SEMA3D: variants seen among roughly 807,000 people sequenced by gnomAD.
SEMA3D encodes semaphorin 3D.
Under a neutral mutation model 100.1 loss-of-function variants are expected in SEMA3D, and 84 were observed. The observed-to-expected ratio is 0.84, with a 90% CI of 0.70 to 1.01. SEMA3D has a LOEUF of 1.01. Ranked by LOEUF, SEMA3D falls within the 50% of genes least tolerant of loss-of-function variation. SEMA3D has a pLI of 0.00. For synonymous variants in SEMA3D, 312 were observed against 320.7 expected (o/e 0.97, Z 0.29); for missense variants, 875 against 934.1 (o/e 0.94, Z 0.82).
At chr7:85,231,069 C>A in the SEMA3D span, among the ~76,000 whole-genome samples, 1 of 152,098 alleles carries the variant, frequency 6.6e-6, no homozygotes, top group Admixed American at 6.6e-5. Context: ...TTAAAACGTT[C>A]TTTTCTAGTT....
At chr7:85,015,864 T>C (rs540294156) in intron 15 of SEMA3D, among the ~76,000 whole-genome samples, 1 of 151,878 alleles carries the variant, frequency 6.6e-6, no homozygotes, top group East Asian at 2.0e-4. Flanking sequence ...ACTTCCCTTA[T>C]ACATTCTTTT....
At chr7:85,175,928 T>A (rs1051470718) in intron 1 of SEMA3D, among the ~76,000 whole-genome samples, 3 of 152,058 alleles carry the variant, frequency 2.0e-5, no homozygotes, top group African/African-American at 7.2e-5. Context: ...AAGAATTCAC[T>A]CTCTGGTGTG....
chr7:85,020,552 T>C (rs1305321399), intron 13 of SEMA3D, among the ~76,000 whole-genome samples: 2 of 151,626 alleles, frequency 1.3e-5, no homozygotes, highest in Non-Finnish European at 3.0e-5. Flanking sequence ...AAAGGATGCA[T>C]ATTCAGAGTA....
chr7:85,173,520 C>T (rs532666801), intron 1 of SEMA3D, among the ~76,000 whole-genome samples: 42 of 152,188 alleles, frequency 2.8e-4, no homozygotes, highest in Middle Eastern at 6.8e-3. Context: ...AAAGTATATA[C>T]TTGAAGTAGG....
chr7:85,078,215 T>A (rs549572052), intron 5 of SEMA3D, among the ~76,000 whole-genome samples: 10 of 152,230 alleles, frequency 6.6e-5, no homozygotes, highest in Admixed American at 2.0e-4. Context: ...TTTTTTTGCT[T>A]GTATATAATT....
intron 15 of SEMA3D, among the ~76,000 whole-genome samples, chr7:85,016,943 T>C (rs1439255397): frequency 1.3e-5 from 2 of 151,628 alleles, no homozygotes; most frequent in Non-Finnish European, 2.9e-5. Context: ...TTTTAAGATA[T>C]GCTGCTAAAC....
At chr7:85,216,705 GA>G in the SEMA3D span, among the ~76,000 whole-genome samples, 1 of 151,482 alleles carries the variant, frequency 6.6e-6, no homozygotes, top group Non-Finnish European at 1.5e-5. Flanking sequence ...AAAAATGCAA[GA>G]AAAAAATGGA....
chr7:85,028,019 C>A, intron 12 of SEMA3D: 1 of 576,740 alleles, frequency 1.7e-6, no homozygotes. Context: ...TGAACCGTGC[C>A]AGCATGGCTT....
the SEMA3D span, among the ~76,000 whole-genome samples, chr7:85,225,101 T>TACAC: frequency 4.6e-5 from 1 of 21,678 alleles, no homozygotes; most frequent in Non-Finnish European, 7.1e-5. Flanking sequence ...TATATATATA[T>TACAC]ATATACATAC....
intron 8 of SEMA3D, among the ~76,000 whole-genome samples, chr7:85,063,020 C>T (rs941913375): frequency 6.6e-6 from 1 of 152,172 alleles, no homozygotes; most frequent in Non-Finnish European, 1.5e-5. Context: ...CATGGTACCA[C>T]ATGATACCTA....
intron 2 of SEMA3D, among the ~76,000 whole-genome samples, chr7:85,150,346 A>AATATATATATATATATATATATTATAT (rs1790334910): frequency 4.9e-5 from 6 of 121,232 alleles, no homozygotes; most frequent in African/African-American, 1.9e-4. Flanking sequence ...CTTTTCTAGA[A>AATATATATATATATATATATATTATAT]ATATATATAT....
intron 2 of SEMA3D, among the ~76,000 whole-genome samples, chr7:85,153,350 C>T (rs1790486923): frequency 6.6e-6 from 1 of 152,122 alleles, no homozygotes; most frequent in Non-Finnish European, 1.5e-5. Flanking sequence ...GAGACCCAAT[C>T]ATTATTTGAA....
At chr7:85,219,744 A>C in the SEMA3D span, among the ~76,000 whole-genome samples, 4 of 152,084 alleles carry the variant, frequency 2.6e-5, no homozygotes, top group African/African-American at 9.7e-5. Flanking sequence ...TGCTGGTGAA[A>C]GATTTTCCAT....
At chr7:85,163,874 TAACTTG>T (rs1167757521) in intron 1 of SEMA3D, among the ~76,000 whole-genome samples, 1 of 152,134 alleles carries the variant, frequency 6.6e-6, no homozygotes, top group African/African-American at 2.4e-5. Context: ...CTTTCAAATA[TAACTTG>T]AACTGAGTAA....
chr7:85,056,187 G>T (rs1214502719), intron 8 of SEMA3D, among the ~76,000 whole-genome samples: 1 of 152,034 alleles, frequency 6.6e-6, no homozygotes, highest in Non-Finnish European at 1.5e-5. Context: ...CAACCACCAT[G>T]TCTTTCATAA....
chr7:85,003,297 A>C (rs546217120), intron 18 of SEMA3D, among the ~76,000 whole-genome samples: 14 of 152,186 alleles, frequency 9.2e-5, no homozygotes, highest in Admixed American at 4.6e-4. Flanking sequence ...AGAAAAGGGA[A>C]AACTTACTAA....
Position 85,150,475 on chromosome 7 carries a change from G to GAT in SEMA3D, c.-41+3131_-41+3132dup, listed in dbSNP as rs1034300387. On this transcript the variant is annotated intron_variant, in intron 2 of 18. Transcript: ENST00000284136. ...ATACACACACACATATATTTACAGGGATATATATATATACACACACACACA... is the reference window on the plus strand; with the variant it reads ...ATACACACACACATATATTTACAGGGATATATATATATATACACACACACACA... 3.0e-4 allele frequency among the ~76,000 whole-genome samples: 34 copies of GAT among 114,962 alleles called. 1 individual carries two copies. The highest frequency in any genetic ancestry group is 9.2e-4 in the South Asian group (3 of 3,256). The allele number at this position is 114,962 out of a possible 152,430, so 75.4% of individuals were successfully genotyped here. A position where few individuals can be genotyped will look rare whatever the true frequency, so the allele number is the denominator to read the frequency against.
intron 4 of SEMA3D, among the ~76,000 whole-genome samples, chr7:85,083,316 G>A (rs1291099568): frequency 2.0e-5 from 3 of 152,116 alleles, no homozygotes; most frequent in Non-Finnish European, 4.4e-5. Context: ...TTAAGAAAAA[G>A]AGAATAATGT....
chr7:85,088,193 C>T (rs1788280790), intron 4 of SEMA3D, among the ~76,000 whole-genome samples: 1 of 152,088 alleles, frequency 6.6e-6, no homozygotes, highest in Admixed American at 6.5e-5. Context: ...GTGAAAATGT[C>T]AGACAATTAA....
Sources: gnomAD v4.1 joint callset for allele counts (sites outside exome capture counted in the v4.1 genomes callset) on GRCh38, gnomAD v4.1.1 for gene constraint, MANE v1.5 for transcripts, NCBI Gene and HGNC (gene_info 2026-07-23, HGNC 2026-07-21) for gene names.